BLOC1S5: variants seen among roughly 807,000 people sequenced by gnomAD.
BLOC1S5 encodes the protein biogenesis of lysosomal organelles complex 1 subunit 5.
Under a neutral mutation model 24.3 loss-of-function variants are expected in BLOC1S5, and 27 were observed. The ratio of observed to expected loss-of-function variants is 1.11; its 90% CI spans 0.82 to 1.53. The LOEUF (loss-of-function observed/expected upper bound fraction) is 1.53. BLOC1S5 is among the 40% of genes most tolerant of loss of function. The probability of loss-of-function intolerance (pLI) is 0.00; values close to 1 mark genes in which losing one functional copy is unlikely to be tolerated. For missense variants in BLOC1S5, 239 were observed against 229.4 expected, an observed-to-expected ratio of 1.04 and a Z score of -0.27; for synonymous variants, 84 against 74.5, an observed-to-expected ratio of 1.13 and a Z score of -0.66.
chr6:8,044,282 T>TG (rs1581420658), intron 2 of BLOC1S5, among the ~76,000 whole-genome samples: 1 of 16,124 alleles, frequency 6.2e-5, no homozygotes, highest in African/African-American at 2.2e-4. Flanking sequence ...AGACTCTGTC[T>TG]CAAAAAAAAA....
intron 3 of BLOC1S5, among the ~76,000 whole-genome samples, chr6:8,036,410 C>T (rs1763491166): frequency 6.6e-6 from 1 of 152,056 alleles, no homozygotes; most frequent in Admixed American, 6.6e-5. Context: ...TATACGCCAA[C>T]AAATTGGAAA....
intron 2 of BLOC1S5, among the ~76,000 whole-genome samples, chr6:8,057,093 C>G (rs1764337083): frequency 4.6e-5 from 7 of 152,120 alleles, no homozygotes; most frequent in Non-Finnish European, 1.0e-4. Context: ...GTGGTATATG[C>G]CTGTAATCCC....
chr6:8,057,933 T>A (rs940789257), intron 2 of BLOC1S5, among the ~76,000 whole-genome samples: 3 of 152,232 alleles, frequency 2.0e-5, no homozygotes, highest in Admixed American at 2.0e-4. Flanking sequence ...AGTTGTTTCC[T>A]CTTCTGAGCT....
At chr6:8,040,913 C>A (rs1043745465) in intron 3 of BLOC1S5, among the ~76,000 whole-genome samples, 1 of 152,006 alleles carries the variant, frequency 6.6e-6, no homozygotes, top group South Asian at 2.1e-4. Context: ...TTCTCACATA[C>A]TAAACAGATT....
At chr6:8,050,658 G>A (rs539592335) in intron 2 of BLOC1S5, among the ~76,000 whole-genome samples, 7 of 151,096 alleles carry the variant, frequency 4.6e-5, no homozygotes, top group Middle Eastern at 3.4e-3. Flanking sequence ...GATGGAGTGC[G>A]GCGGTGTGAT....
intron 2 of BLOC1S5, among the ~76,000 whole-genome samples, chr6:8,047,160 T>TCTCACACACACACACA (rs1475934039): frequency 7.9e-6 from 1 of 126,922 alleles, no homozygotes; most frequent in Admixed American, 8.5e-5. Context: ...TCTCTCTCTC[T>TCTCACACACACACACA]CACACACACA....
chr6:8,016,982 C>T (rs1193857683), intron 4 of BLOC1S5, among the ~76,000 whole-genome samples: 1 of 150,862 alleles, frequency 6.6e-6, no homozygotes, highest in Non-Finnish European at 1.5e-5. Context: ...TGAGATGTTC[C>T]TTAATATTGC....
Position 8,041,184 on chromosome 6 carries a change from A to G in BLOC1S5, c.280T>C (p.Cys94Arg). 6.2e-7 allele frequency: 1 copy of G among 1,612,640 alleles called. No individual in the cohort carries two copies. The highest frequency in any genetic ancestry group is 8.5e-7 in the Non-Finnish European group (1 of 1,179,438). Residue 94 changes from cysteine to arginine, a missense_variant, in exon 3 of 5, where the codon TGT becomes CGT. Physicochemically the swap from Cys to Arg is radical, Grantham distance 180. Coordinates refer to ENST00000397457, the MANE Select transcript of BLOC1S5 (RefSeq NM_201280.3). Reference protein sequence around the residue: ...HETNEHTLPKCRDTMRDSLSQ... With the variant: ...HETNEHTLPKRRDTMRDSLSQ... ...AGGCTGTCCCGCATTGTGTCTCTAC[A>G]TTTGGGAAGAGTATGTTCATTTGTT... is the stretch of plus-strand genomic sequence containing the variant.
chr6:8,022,642 T>C (rs975223531), intron 4 of BLOC1S5, among the ~76,000 whole-genome samples: 4 of 130,894 alleles, frequency 3.1e-5, no homozygotes, highest in Admixed American at 1.6e-4. Context: ...TGGAGTGCAG[T>C]GGCGGGATCT....
chr6:8,056,206 G>T (rs556812869), intron 2 of BLOC1S5, among the ~76,000 whole-genome samples: 1 of 152,284 alleles, frequency 6.6e-6, no homozygotes, highest in Admixed American at 6.5e-5. Flanking sequence ...CAGGTATTCT[G>T]TTAGAGCATC....
chr6:8,015,497 G>GA lies in BLOC1S5; in HGVS notation c.*151dup. The GA allele has an allele frequency of 1.4e-6, 1 of 712,412 alleles. No homozygotes were observed. The highest frequency in any genetic ancestry group is 2.2e-6 in the Non-Finnish European group (1 of 458,770). 44.1% of individuals were successfully genotyped at this position (712,412 alleles called of 1,614,324 possible). A position where few individuals can be genotyped will look rare whatever the true frequency, so the allele number is the denominator to read the frequency against. On this transcript the variant is annotated 3_prime_UTR_variant, in exon 5 of 5. Coordinates refer to ENST00000397457, the MANE Select transcript of BLOC1S5 (RefSeq NM_201280.3). Reference sequence around the variant, plus strand: ...GCACCCTTCTTTAAATATCCAATCAGAATGCCAGTAGAAACTTCTTTCTTC... The same window carrying GA: ...GCACCCTTCTTTAAATATCCAATCAGAAATGCCAGTAGAAACTTCTTTCTTC...
intron 2 of BLOC1S5, among the ~76,000 whole-genome samples, chr6:8,044,262 C>T (rs1038297387): frequency 1.4e-4 from 17 of 117,902 alleles, no homozygotes; most frequent in South Asian, 5.5e-4. Context: ...CCAGCCTGGG[C>T]GACAGAGCAA....
intron 4 of BLOC1S5, among the ~76,000 whole-genome samples, chr6:8,016,526 G>T (rs1262744712): frequency 6.6e-6 from 1 of 152,006 alleles, no homozygotes; most frequent in Non-Finnish European, 1.5e-5. Context: ...ATTTTTAAGT[G>T]CATTAGAAAG....
chr6:8,060,887 C>T (rs1341029088), intron 2 of BLOC1S5, among the ~76,000 whole-genome samples: 2 of 152,096 alleles, frequency 1.3e-5, no homozygotes, highest in African/African-American at 2.4e-5. Context: ...TGCAATGGCG[C>T]GTTCTCGGCT....
At chr6:8,047,178 A>T (rs867807510) in intron 2 of BLOC1S5, among the ~76,000 whole-genome samples, 28,540 of 144,850 alleles carry the variant, frequency 0.2, 3,278 homozygotes, top group African/African-American at 0.28. Flanking sequence ...ACACACACAC[A>T]CACACACACA....
intron 4 of BLOC1S5, among the ~76,000 whole-genome samples, chr6:8,022,202 T>C (rs1352519208): frequency 6.7e-6 from 1 of 150,208 alleles, no homozygotes; most frequent in African/African-American, 2.5e-5. Flanking sequence ...CAGGAGATTG[T>C]TGGTTATTAT....
chr6:8,027,150 T>G, intron 3 of BLOC1S5: 1 of 311,836 alleles, frequency 3.2e-6, no homozygotes, highest in Non-Finnish European at 6.4e-6. Context: ...AATTCTTCAG[T>G]TATTTAAACC....
chr6:8,041,976 C>G (rs1014775328), intron 2 of BLOC1S5: 5 of 152,230 alleles, frequency 3.3e-5, no homozygotes, highest in African/African-American at 9.7e-5. Context: ...CTAAGATATC[C>G]ACCCAGGTTT....
chr6:8,056,435 G>C (rs964914435), intron 2 of BLOC1S5, among the ~76,000 whole-genome samples: 3 of 152,082 alleles, frequency 2.0e-5, no homozygotes, highest in African/African-American at 7.2e-5. Context: ...TGGGTTTGCT[G>C]TGCTAATTGC....
Sources: gnomAD v4.1 joint callset for allele counts (sites outside exome capture counted in the v4.1 genomes callset) on GRCh38, gnomAD v4.1.1 for gene constraint, MANE v1.5 for transcripts, NCBI Gene and HGNC (gene_info 2026-07-23, HGNC 2026-07-21) for gene names.